SH3BP4: variants seen among roughly 807,000 people sequenced by gnomAD.
SH3BP4 encodes SH3 domain binding protein 4.
Under a neutral mutation model 65.5 loss-of-function variants are expected in SH3BP4, and 33 were observed. The ratio of observed to expected loss-of-function variants is 0.50; its 90% CI spans 0.38 to 0.67. The LOEUF (loss-of-function observed/expected upper bound fraction) is 0.67, where lower values mean the gene tolerates loss of function less well. Ranked by LOEUF, SH3BP4 falls within the 30% of genes least tolerant of loss-of-function variation. The pLI, the probability that SH3BP4 is intolerant of heterozygous loss-of-function variation, is 0.00. For missense variants in SH3BP4, 1,134 were observed against 1,261.4 expected (o/e 0.90, Z 1.53); for synonymous variants, 552 against 545.5 (o/e 1.01, Z -0.17).
intron 2 of SH3BP4, among the ~76,000 whole-genome samples, chr2:235,031,769 T>G (rs1019330045): frequency 6.6e-6 from 1 of 152,210 alleles, no homozygotes; most frequent in Non-Finnish European, 1.5e-5. Flanking sequence ...TGGGCCCCAC[T>G]AGGTGGCCAG....
At chr2:234,960,085 G>T (rs182350718) in intron 1 of SH3BP4, among the ~76,000 whole-genome samples, 4 of 152,214 alleles carry the variant, frequency 2.6e-5, no homozygotes, top group Non-Finnish European at 5.9e-5. Flanking sequence ...ATTTGTATGT[G>T]TCCTGTGCAT....
At chr2:234,994,649 C>T (rs1693856528) in intron 1 of SH3BP4, 1 of 152,214 alleles carries the variant, frequency 6.6e-6, no homozygotes, top group Non-Finnish European at 1.5e-5. Context: ...GGTTCATCTT[C>T]AGGGCGCAGC....
chr2:234,976,260 A>G lies in SH3BP4; in HGVS notation c.-206-19043A>G, dbSNP rs1359197644. ...CTGGCCAGGTTTGAAGGGCTTGGGC[A>G]GGACAGGTGGTATCTGGGCCCTTCT... On this transcript the variant is annotated intron_variant, in intron 1 of 5. Coordinates refer to ENST00000392011, the MANE Select transcript of SH3BP4 (RefSeq NM_014521.3). The surrounding 1 kb of genome is among the most constrained non-coding windows in gnomAD (Gnocchi z 4.7). Among the ~76,000 whole-genome samples the G allele has an allele frequency of 6.6e-6, 1 of 152,236 alleles. No individual in the cohort carries two copies. The highest frequency in any genetic ancestry group is 1.5e-5 in the Non-Finnish European group (1 of 68,036).
chr2:235,006,908 G>A (rs1694313805), intron 2 of SH3BP4, among the ~76,000 whole-genome samples: 1 of 152,018 alleles, frequency 6.6e-6, no homozygotes. Flanking sequence ...AGAAGATTGG[G>A]GGTGCCACGC....
intron 1 of SH3BP4, among the ~76,000 whole-genome samples, chr2:234,992,959 C>T (rs979956412): frequency 1.3e-5 from 2 of 151,372 alleles, no homozygotes; most frequent in African/African-American, 4.9e-5. Context: ...TGGGTCTGGG[C>T]AGCACCTGGA....
chr2:235,005,070 C>T (rs1694250862), intron 2 of SH3BP4, among the ~76,000 whole-genome samples: 1 of 152,200 alleles, frequency 6.6e-6, no homozygotes, highest in Non-Finnish European at 1.5e-5. Flanking sequence ...TGCAGATCCC[C>T]CTGGGTGTTA....
chr2:235,042,631 G>A lies in SH3BP4; in HGVS notation c.1862G>A (p.Gly621Glu), dbSNP rs1259666992. Residue 621 changes from glycine to glutamate, a missense_variant, in exon 4 of 6, where the codon GGG (glycine) becomes GAG (glutamate). Transcript: ENST00000392011. This position sits in a 1 kb window ranked among gnomAD's most constrained non-coding sequence, Gnocchi z 7.3. ...CCTAAAAGTGCCATCAAGCCTTCCG[G>A]GCAAAGGAGGTTTCTCAAGAAGAAC... ...PPPKSAIKPS[G>E]QRRFLKKNEV... is the part of the protein sequence containing the mutation. 1.2e-6 allele frequency: 2 copies of A among 1,614,062 alleles called. No individual in the cohort carries two copies. Among genetic ancestry groups the A allele is most frequent in the Non-Finnish European group, 8.5e-7 (1 of 1,180,026 alleles).
rs746087810 is a variant in SH3BP4 at position 235,042,867 on chromosome 2, A to G, written c.2098A>G (p.Lys700Glu). The G allele has an allele frequency of 6.2e-7, 1 of 1,613,616 alleles. No homozygotes were observed. The highest frequency in any genetic ancestry group is 8.5e-7 in the Non-Finnish European group (1 of 1,180,006). ...CAGGCTCCGGGGCCAGCTGTGGACC[A>G]AGGAGTGGTACATCGGCTACTACCA... Reference protein sequence around the residue: ...RVRLRGQLWTKEWYIGYYQGR... With the variant: ...RVRLRGQLWTEEWYIGYYQGR... Residue 700 changes from lysine to glutamate, a missense_variant, in exon 4 of 6, where the codon AAG becomes GAG. Physicochemically the swap from Lys to Glu is moderately conservative, Grantham distance 56. Coordinates refer to ENST00000392011, the MANE Select transcript of SH3BP4 (RefSeq NM_014521.3). The surrounding 1 kb of genome is among the most constrained non-coding windows in gnomAD (Gnocchi z 7.3).
intron 2 of SH3BP4, among the ~76,000 whole-genome samples, chr2:234,998,369 G>A (rs1018496224): frequency 2.0e-5 from 3 of 152,202 alleles, no homozygotes; most frequent in Non-Finnish European, 4.4e-5. Context: ...AAATTCACAC[G>A]ACAGTTGAAG....
At chr2:235,010,791 TA>T (rs1694460557) in intron 2 of SH3BP4, among the ~76,000 whole-genome samples, 3 of 116,756 alleles carry the variant, frequency 2.6e-5, no homozygotes, top group African/African-American at 6.0e-5. Flanking sequence ...CTCCCTCTCC[TA>T]GGAGAAACCT....
At chr2:234,999,162 A>G (rs1461696961) in intron 2 of SH3BP4, among the ~76,000 whole-genome samples, 2 of 152,028 alleles carry the variant, frequency 1.3e-5, no homozygotes, top group Admixed American at 1.3e-4. Context: ...CGTGAGCTGC[A>G]CTCCCGGCGA....
chr2:235,035,103 GC>G lies in SH3BP4; in HGVS notation c.102del (p.Phe35LeufsTer14). The G allele has an allele frequency of 6.2e-7, 1 of 1,613,516 alleles. No homozygotes were observed. The highest frequency in any genetic ancestry group is 8.5e-7 in the Non-Finnish European group (1 of 1,179,390). On this transcript the variant is annotated frameshift_variant, in exon 3 of 6. Coordinates refer to ENST00000392011, the MANE Select transcript of SH3BP4 (RefSeq NM_014521.3). LOFTEE classifies it high-confidence loss of function. The surrounding 1 kb of genome is among the most constrained non-coding windows in gnomAD (Gnocchi z 5.0). ...IDLSEGFSET[S>X]FNDIKVPSPS... ...CTGAGCGAAGGGTTTTCAGAGACGA[GC>G]TTTAATGACATCAAAGGTGAGCTTC...
intron 1 of SH3BP4, among the ~76,000 whole-genome samples, chr2:234,971,322 A>C (rs1201619955): frequency 6.6e-6 from 1 of 152,232 alleles, no homozygotes; most frequent in Non-Finnish European, 1.5e-5. Flanking sequence ...GCTGTGGCCT[A>C]TCATGTTACA....
At chr2:234,996,885 G>A (rs892750516) in intron 2 of SH3BP4, among the ~76,000 whole-genome samples, 14 of 152,212 alleles carry the variant, frequency 9.2e-5, no homozygotes, top group Admixed American at 5.9e-4. Flanking sequence ...GAGGTTAATG[G>A]GGGTCCCTCT....
intron 2 of SH3BP4, among the ~76,000 whole-genome samples, chr2:235,002,072 GCTGA>G (rs1319106271): frequency 2.6e-5 from 4 of 152,012 alleles, no homozygotes; most frequent in Non-Finnish European, 4.4e-5. Flanking sequence ...CGTTGGCCAG[GCTGA>G]TCTCAAACTC....
At chr2:234,982,662 G>T (rs1693423787) in intron 1 of SH3BP4, among the ~76,000 whole-genome samples, 1 of 152,136 alleles carries the variant, frequency 6.6e-6, no homozygotes, top group African/African-American at 2.4e-5. Flanking sequence ...TTTTGCACAG[G>T]CAGGGAGGGG....
At chr2:234,959,397 C>G (rs1006182096) in intron 1 of SH3BP4, among the ~76,000 whole-genome samples, 1 of 152,008 alleles carries the variant, frequency 6.6e-6, no homozygotes, top group African/African-American at 2.4e-5. Context: ...AGAGCCTGGA[C>G]AAGGTGAAAA....
Position 235,042,715 on chromosome 2 carries a change from A to G in SH3BP4, c.1946A>G (p.Gln649Arg). 1 of 1,614,196 alleles carries G rather than the reference A, an allele frequency of 6.2e-7. No homozygotes were observed. The highest frequency in any genetic ancestry group is 8.5e-7 in the Non-Finnish European group (1 of 1,180,042). Residue 649 changes from glutamine to arginine, a missense_variant, in exon 4 of 6, where the codon CAG becomes CGG. Transcript: ENST00000392011. The surrounding 1 kb of genome is among the most constrained non-coding windows in gnomAD (Gnocchi z 7.3). Reference sequence around the variant, plus strand: ...ACCACTACAAAGTACCCGACTTTCCAGGACCGCCCGGTGTCCAGCCTCAAG... The same window carrying G: ...ACCACTACAAAGTACCCGACTTTCCGGGACCGCCCGGTGTCCAGCCTCAAG... ...FATTTKYPTFQDRPVSSLKFG... is the reference protein window; with the variant it reads ...FATTTKYPTFRDRPVSSLKFG...
chr2:234,991,239 A>G lies in SH3BP4; in HGVS notation c.-206-4064A>G, dbSNP rs1693737984. ...ATATAGCTTCCTGTTTGGATGTGGT[A>G]GGGTGAGGACCATGAGCCTCATATC... On this transcript the variant is annotated intron_variant, in intron 1 of 5. Coordinates refer to ENST00000392011, the MANE Select transcript of SH3BP4 (RefSeq NM_014521.3). This position sits in a 1 kb window ranked among gnomAD's most constrained non-coding sequence, Gnocchi z 4.2. Among the ~76,000 whole-genome samples, 1 of 152,130 alleles carries G rather than the reference A, an allele frequency of 6.6e-6. No homozygotes were observed. The highest frequency in any genetic ancestry group is 2.4e-5 in the African/African-American group (1 of 41,424).
Sources: gnomAD v4.1 joint callset for allele counts (sites outside exome capture counted in the v4.1 genomes callset) on GRCh38, gnomAD v4.1.1 for gene constraint, Gnocchi (gnomAD v3.1) non-coding constraint, MANE v1.5 for transcripts, NCBI Gene and HGNC (gene_info 2026-07-23, HGNC 2026-07-21) for gene names.